The following TESK2 variants were observed in gnomAD, a reference collection of about 807,000 sequenced individuals.
TESK2 encodes the protein testis associated actin remodelling kinase 2.
TESK2 carries 39 observed loss-of-function variants against 57.1 expected under a neutral mutation model. The observed-to-expected ratio is 0.68, with a 90% CI of 0.53 to 0.89. The LOEUF (loss-of-function observed/expected upper bound fraction) is 0.89, where lower values mean the gene tolerates loss of function less well. TESK2 is among the 40% of genes least tolerant of loss of function. The probability of loss-of-function intolerance (pLI) is 0.00; values close to 1 mark genes in which losing one functional copy is unlikely to be tolerated. For synonymous variants in TESK2, 249 were observed against 267.9 expected (o/e 0.93, Z 0.69); for missense variants, 646 against 732.1 (o/e 0.88, Z 1.36).
At chr1:45,394,196 G>A (rs547677860) in intron 3 of TESK2, among the ~76,000 whole-genome samples, 3 of 151,876 alleles carry the variant, frequency 2.0e-5, no homozygotes, top group East Asian at 3.9e-4. Flanking sequence ...TCTGGAGTGC[G>A]GTGGCACAGT....
intron 3 of TESK2, among the ~76,000 whole-genome samples, chr1:45,390,557 T>G (rs1649092830): frequency 6.6e-6 from 1 of 151,568 alleles, no homozygotes; most frequent in Non-Finnish European, 1.5e-5. Flanking sequence ...ATAGGTTACA[T>G]TCTCTATCTA....
At chr1:45,416,763 T>A in intron 3 of TESK2, among the ~76,000 whole-genome samples, 1 of 151,654 alleles carries the variant, frequency 6.6e-6, no homozygotes, top group Non-Finnish European at 1.5e-5. Context: ...CACCCCATCC[T>A]CTGGTAACCA....
intron 4 of TESK2, among the ~76,000 whole-genome samples, chr1:45,381,341 A>G (rs1167330872): frequency 6.6e-6 from 1 of 152,220 alleles, no homozygotes; most frequent in Non-Finnish European, 1.5e-5. Context: ...TATTCCTGAT[A>G]AGGGCAGAGC....
Position 45,425,498 on chromosome 1 carries a change from C to CA in TESK2, c.223-3653dup, listed in dbSNP as rs575047232. The stretch of plus-strand genomic sequence containing the variant: ...TGAGACACTATCTCTACAAAAAATA[C>CA]AAAAAAATTAACTGGGCTTGGTGGT... On this transcript the variant is annotated intron_variant, in intron 2 of 10. Coordinates refer to ENST00000372086, the MANE Select transcript of TESK2 (RefSeq NM_007170.3). 3.3e-5 allele frequency among the ~76,000 whole-genome samples: 5 copies of CA among 151,780 alleles called. No individual in the cohort carries two copies. The South Asian group carries it at 1.0e-3, about 32-fold the overall frequency.
intron 2 of TESK2, among the ~76,000 whole-genome samples, chr1:45,422,512 C>T (rs1378469813): frequency 4.6e-5 from 7 of 152,228 alleles, no homozygotes; most frequent in Middle Eastern, 3.4e-3. Flanking sequence ...GGCACAATCT[C>T]GGCTCACTGC....
At chr1:45,407,380 T>A (rs901683115) in intron 3 of TESK2, among the ~76,000 whole-genome samples, 3 of 152,210 alleles carry the variant, frequency 2.0e-5, no homozygotes. Context: ...TTATTATGAC[T>A]GATTATAATC....
At chr1:45,402,295 G>A (rs2149280613) in intron 3 of TESK2, among the ~76,000 whole-genome samples, 1 of 151,020 alleles carries the variant, frequency 6.6e-6, no homozygotes, top group South Asian at 2.1e-4. Context: ...TCAGAAGACA[G>A]CCAGGAGGAT....
chr1:45,401,153 T>C (rs1374460485), intron 3 of TESK2, among the ~76,000 whole-genome samples: 3 of 151,952 alleles, frequency 2.0e-5, no homozygotes, highest in African/African-American at 7.3e-5. Context: ...TCCCAGCACT[T>C]TGGGAGGCCA....
intron 4 of TESK2, among the ~76,000 whole-genome samples, chr1:45,380,971 T>C (rs2149272986): frequency 6.6e-6 from 1 of 152,322 alleles, no homozygotes; most frequent in African/African-American, 2.4e-5. Context: ...CATGTTGTAA[T>C]AGAAATAGAC....
Position 45,345,220 on chromosome 1 carries a change from G to T in TESK2, c.1336C>A (p.Pro446Thr). 6.2e-7 allele frequency: 1 copy of T among 1,614,116 alleles called. No homozygotes were observed. The highest frequency in any genetic ancestry group is 8.5e-7 in the Non-Finnish European group (1 of 1,180,014). ...CACCGGCGAATAGGTGGGGCCAGGG[G>T]CTCCTGCCAGTCAGCCAGGGGCATA... Reference protein sequence around the residue: ...GTMPLADWQEPLAPPIRRWRS... With the variant: ...GTMPLADWQETLAPPIRRWRS... The change falls in exon 11 of 11, where the codon CCC (proline) becomes ACC (threonine). Residue 446 changes from proline (P) to threonine (T), a missense_variant. Transcript: ENST00000372086.
chr1:45,428,827 T>TTC (rs1488559108), intron 2 of TESK2, among the ~76,000 whole-genome samples: 1 of 135,248 alleles, frequency 7.4e-6, no homozygotes, highest in African/African-American at 2.8e-5. Context: ...TTTTTTTTTT[T>TTC]TTTTTTTTTT....
chr1:45,487,731 A>C (rs988343236), intron 1 of TESK2, among the ~76,000 whole-genome samples: 1 of 152,184 alleles, frequency 6.6e-6, no homozygotes, highest in African/African-American at 2.4e-5. Context: ...TATCAATAGC[A>C]GTGTAAAGTT....
At chr1:45,466,550 G>A (rs1209213029) in intron 1 of TESK2, among the ~76,000 whole-genome samples, 2 of 151,854 alleles carry the variant, frequency 1.3e-5, no homozygotes, top group African/African-American at 4.8e-5. Flanking sequence ...TCAGGAGGCT[G>A]AGGCAGAAGC....
At chr1:45,418,391 A>G (rs774644013) in intron 3 of TESK2, among the ~76,000 whole-genome samples, 2 of 152,218 alleles carry the variant, frequency 1.3e-5, no homozygotes, top group Non-Finnish European at 2.9e-5. Context: ...GTCATCAATT[A>G]CCTTATCATT....
At chr1:45,471,699 C>T (rs2149304492) in intron 1 of TESK2, among the ~76,000 whole-genome samples, 1 of 152,138 alleles carries the variant, frequency 6.6e-6, no homozygotes, top group African/African-American at 2.4e-5. Context: ...AGCCACTGCA[C>T]CCAAACAAGA....
chr1:45,382,449 G>A (rs550788602), intron 4 of TESK2, among the ~76,000 whole-genome samples: 2 of 152,194 alleles, frequency 1.3e-5, no homozygotes, highest in South Asian at 4.2e-4. Flanking sequence ...ATGTTGCCCA[G>A]GCTGGTCTCA....
chr1:45,347,133 C>G (rs1372916663), intron 7 of TESK2, 71 bp from the exon 8 acceptor site: 16 of 1,350,606 alleles, frequency 1.2e-5, no homozygotes, highest in Non-Finnish European at 1.7e-5. Context: ...CTGCCCCTGC[C>G]TCCCCTGCAC....
At position 45,476,939 on chromosome 1, in the gene TESK2, T is replaced by G. The variant is rs574591249; in HGVS notation, c.-87+13913A>C. Among the ~76,000 whole-genome samples the G allele has an allele frequency of 9.2e-5, 14 of 151,576 alleles. No homozygotes were observed. In the East Asian group the frequency reaches 2.7e-3, roughly 30 times the overall value. ...AGGGGAGGATCCCTTGAGCCCAGGATTACAGACAGGAGCCACCGCACCTGG... is the reference window on the plus strand; with the variant it reads ...AGGGGAGGATCCCTTGAGCCCAGGAGTACAGACAGGAGCCACCGCACCTGG... On this transcript the variant is annotated intron_variant, in intron 1 of 10. Transcript: ENST00000372086.
At chr1:45,390,616 C>A (rs1649095998) in intron 3 of TESK2, among the ~76,000 whole-genome samples, 1 of 150,262 alleles carries the variant, frequency 6.7e-6, no homozygotes, top group African/African-American at 2.5e-5. Flanking sequence ...TACTTTGTTG[C>A]CCAGGCTGGA....
Sources: allele counts gnomAD v4.1 joint callset (sites outside exome capture counted in the v4.1 genomes callset), GRCh38; gene constraint gnomAD v4.1.1; transcripts MANE v1.5; gene names NCBI Gene and HGNC (gene_info 2026-07-23, HGNC 2026-07-21).